PLEKHA7: variants seen among roughly 807,000 people sequenced by gnomAD.
PLEKHA7 encodes pleckstrin homology domain containing A7.
A neutral mutation model predicts 170.0 loss-of-function variants in PLEKHA7; 104 were observed. The ratio of observed to expected loss-of-function variants is 0.61; its 90% CI spans 0.52 to 0.72. The LOEUF (loss-of-function observed/expected upper bound fraction) is 0.72. Among genes scored for constraint, PLEKHA7 ranks in the 30% least tolerant of loss-of-function variants. The pLI is 0.00. For missense variants in PLEKHA7, 1,615 were observed against 1,671.7 expected (o/e 0.97, Z 0.59); for synonymous variants, 648 against 660.8 (o/e 0.98, Z 0.30).
In PLEKHA7 at chr11:16,826,494, A is replaced by G. The variant is rs369033818; in HGVS notation, c.969T>C (p.Asp323=). The change falls in exon 10 of 27, where the codon GAT becomes GAC. Residue 323 remains aspartate, a synonymous_variant. Transcript: ENST00000531066. ...TGTCATCATGGCCACGATGAGGACA[A>G]TCTCTCGTATGTCCGGGTCCCACCC... ...CGRVGPGHTR[D]CPHRGHDDIV... is the part of the protein sequence containing the mutation. The G allele has an allele frequency of 1.3e-5, 21 of 1,614,176 alleles. No homozygotes were observed. The highest frequency in any genetic ancestry group is 1.8e-5 in the Non-Finnish European group (21 of 1,180,032).
intron 9 of PLEKHA7, 77 bp from the exon 10 acceptor site, chr11:16,826,667 T>C: frequency 7.8e-7 from 1 of 1,278,548 alleles, no homozygotes; most frequent in South Asian, 1.3e-5. Context: ...CTCAATCACC[T>C]GCAGGCCTTT....
At chr11:16,899,124 T>C (rs1051332950) in intron 3 of PLEKHA7, among the ~76,000 whole-genome samples, 6 of 152,218 alleles carry the variant, frequency 3.9e-5, no homozygotes, top group African/African-American at 7.2e-5. Flanking sequence ...CCAAGAGCTC[T>C]TGGATGGTGT....
chr11:16,969,615 C>T (rs569120461), intron 3 of PLEKHA7, among the ~76,000 whole-genome samples: 9 of 151,992 alleles, frequency 5.9e-5, no homozygotes, highest in Admixed American at 2.0e-4. Flanking sequence ...TCAGCCACCA[C>T]GCTCTACCCC....
chr11:16,791,257 C>T lies in PLEKHA7; in HGVS notation c.2746-58G>A. 6.8e-7 allele frequency: 1 copy of T among 1,467,780 alleles called. No homozygotes were observed. Among genetic ancestry groups the T allele is most frequent in the South Asian group, 1.3e-5 (1 of 74,710 alleles). The allele number at this position is 1,467,780 out of a possible 1,614,324, so 90.9% of individuals were successfully genotyped here. On this transcript the variant is annotated intron_variant, in intron 19 of 26. Transcript: ENST00000531066. This position sits in a 1 kb window ranked among gnomAD's most constrained non-coding sequence, Gnocchi z 4.5. ...CGAGACGGAGCTGGAGGGAGGACTG[C>T]TAGGTACTGCCACAGTGGAGGTTTA...
intron 23 of PLEKHA7, chr11:16,787,836 G>C (rs1849504037): frequency 6.6e-6 from 1 of 152,298 alleles, no homozygotes; most frequent in South Asian, 2.1e-4. Context: ...AAAGTTTAAA[G>C]GTTACCAGGT....
intron 3 of PLEKHA7, among the ~76,000 whole-genome samples, chr11:16,957,691 T>TTTTTTCTTTTTTTTTTTC (rs1565154458): frequency 2.7e-4 from 32 of 117,662 alleles, no homozygotes; most frequent in African/African-American, 1.0e-3. Context: ...CCTCAATAAT[T>TTTTTTCTTTTTTTTTTTC]TTTTTCTTTT....
chr11:16,940,400 G>A (rs1347837449), intron 3 of PLEKHA7, among the ~76,000 whole-genome samples: 1 of 148,694 alleles, frequency 6.7e-6, no homozygotes, highest in East Asian at 2.0e-4. Flanking sequence ...CAATTCTCCT[G>A]CCTCAGCCTC....
At chr11:16,890,345 C>T (rs1490743262) in intron 3 of PLEKHA7, among the ~76,000 whole-genome samples, 1 of 152,114 alleles carries the variant, frequency 6.6e-6, no homozygotes, top group African/African-American at 2.4e-5. Context: ...CTAAAAGATA[C>T]AGGCTGGTGG....
chr11:16,993,521 G>A (rs992058246), intron 3 of PLEKHA7, among the ~76,000 whole-genome samples: 1 of 152,172 alleles, frequency 6.6e-6, no homozygotes, highest in African/African-American at 2.4e-5. Flanking sequence ...TGAGCATACA[G>A]TAGGCACTAG....
At chr11:16,920,794 A>G (rs1398761709) in intron 3 of PLEKHA7, among the ~76,000 whole-genome samples, 3 of 152,172 alleles carry the variant, frequency 2.0e-5, no homozygotes, top group African/African-American at 7.2e-5. Context: ...ATGCCGTGGA[A>G]ACTCTTTCTT....
rs1564916210 is a variant in PLEKHA7, at chr11:16,794,493, T to C, written c.2740A>G (p.Lys914Glu). ...TCCTAGTTATCACTACTTACAACTT[T>C]GGGCTTCGCCTTAGTTGGTGACTGA... is the stretch of plus-strand genomic sequence containing the variant. Reference protein sequence around the residue: ...PLQSPTKAKPKVEDEAPPRPP... With the variant: ...PLQSPTKAKPEVEDEAPPRPP... Residue 914 changes from lysine (K) to glutamate (E), a missense_variant, in exon 19 of 27, where the codon AAA (lysine) becomes GAA (glutamate). Coordinates refer to ENST00000531066, the MANE Select transcript of PLEKHA7 (RefSeq NM_001329630.2). 1 of 1,613,258 alleles carries C rather than the reference T, an allele frequency of 6.2e-7. No homozygotes were observed. Among genetic ancestry groups the C allele is most frequent in the Non-Finnish European group, 8.5e-7 (1 of 1,179,500 alleles).
At chr11:16,880,976 A>G (rs995123784) in intron 3 of PLEKHA7, among the ~76,000 whole-genome samples, 1 of 136,316 alleles carries the variant, frequency 7.3e-6, no homozygotes, top group South Asian at 2.5e-4. Context: ...ACTACACACA[A>G]CTGCAAACAC....
At chr11:16,887,494 C>T (rs1437557304) in intron 3 of PLEKHA7, among the ~76,000 whole-genome samples, 1 of 152,136 alleles carries the variant, frequency 6.6e-6, no homozygotes, top group Non-Finnish European at 1.5e-5. Flanking sequence ...AACCTCCCTG[C>T]CTGATTCTCC....
chr11:16,996,672 C>T (rs913629860), intron 3 of PLEKHA7, among the ~76,000 whole-genome samples: 1 of 152,168 alleles, frequency 6.6e-6, no homozygotes, highest in African/African-American at 2.4e-5. Flanking sequence ...CGCAGTGGCT[C>T]ATGCCTGTAA....
intron 9 of PLEKHA7, among the ~76,000 whole-genome samples, chr11:16,830,695 G>T (rs1217293641): frequency 6.6e-6 from 1 of 152,188 alleles, no homozygotes; most frequent in Non-Finnish European, 1.5e-5. Context: ...CATTCACCAT[G>T]TATTTACCAA....
At chr11:16,845,121 T>C (rs1852285249) in intron 8 of PLEKHA7, among the ~76,000 whole-genome samples, 1 of 152,104 alleles carries the variant, frequency 6.6e-6, no homozygotes, top group African/African-American at 2.4e-5. Context: ...TAGGTAGCCA[T>C]TTAAGTAATA....
In PLEKHA7 at chr11:16,815,707, G is replaced by C. The variant is rs1849699536; in HGVS notation, c.1953+471C>G. On this transcript the variant is annotated intron_variant, in intron 12 of 26. Transcript: ENST00000531066. The stretch of plus-strand genomic sequence containing the variant: ...GTTTTTGTATTTTTAGTAGAGACGG[G>C]GTTTCGCCATGTTTGCTAGGCTGGT... Among the ~76,000 whole-genome samples the C allele has an allele frequency of 2.0e-5, 3 of 152,156 alleles. No homozygotes were observed. In the South Asian group the frequency reaches 6.2e-4, roughly 32 times the overall value.
chr11:16,900,736 C>T (rs964597204), intron 3 of PLEKHA7, among the ~76,000 whole-genome samples: 6 of 152,134 alleles, frequency 3.9e-5, no homozygotes, highest in African/African-American at 1.4e-4. Context: ...CAGTTCAGTT[C>T]ATGGACAAAC....
intron 10 of PLEKHA7, among the ~76,000 whole-genome samples, chr11:16,824,295 G>A (rs1422092951): frequency 1.3e-5 from 2 of 152,204 alleles, no homozygotes; most frequent in Non-Finnish European, 2.9e-5. Context: ...GGCACTTTGG[G>A]AGGCCAAGAT....
Sources: gnomAD v4.1 joint callset for allele counts (sites outside exome capture counted in the v4.1 genomes callset) on GRCh38, gnomAD v4.1.1 for gene constraint, Gnocchi (gnomAD v3.1) non-coding constraint, MANE v1.5 for transcripts, NCBI Gene and HGNC (gene_info 2026-07-23, HGNC 2026-07-21) for gene names.